Variants in KCNH8 observed in about 807,000 individuals in gnomAD.
The protein encoded by KCNH8 is voltage-gated delayed rectifier potassium channel KCNH8.
In KCNH8, 70 loss-of-function variants were observed where a neutral mutation model predicts 103.6. The observed-to-expected ratio is 0.68, with a 90% confidence interval of 0.56 to 0.82. The LOEUF (loss-of-function observed/expected upper bound fraction) is 0.82, where lower values mean the gene tolerates loss of function less well. Ranked by LOEUF, KCNH8 falls within the 40% of genes least tolerant of loss-of-function variation. The probability of loss-of-function intolerance (pLI) is 0.00; values close to 1 mark genes in which losing one functional copy is unlikely to be tolerated. For synonymous variants in KCNH8, 498 were observed against 489.4 expected, an observed-to-expected ratio of 1.02 and a Z score of -0.23; for missense variants, 1,217 against 1,329.9, an observed-to-expected ratio of 0.92 and a Z score of 1.32.
At chr3:19,470,803 A>G (rs1182073609) in intron 11 of KCNH8, among the ~76,000 whole-genome samples, 3 of 152,212 alleles carry the variant, frequency 2.0e-5, no homozygotes, top group Non-Finnish European at 4.4e-5. Context: ...TCTCCATGCA[A>G]TCATATCTCA....
intron 11 of KCNH8, among the ~76,000 whole-genome samples, chr3:19,466,693 C>A (rs894078739): frequency 8.6e-6 from 1 of 116,072 alleles, no homozygotes; most frequent in Non-Finnish European, 1.6e-5. Flanking sequence ...GATGAAGTCT[C>A]GCTCTTGCCG....
rs185549628 is a variant in KCNH8, at chr3:19,212,218, A to G, written c.77-41436A>G. Among the ~76,000 whole-genome samples the G allele has an allele frequency of 3.4e-4, 52 of 152,068 alleles. No homozygotes were observed. In the East Asian group the frequency reaches 4.2e-3, roughly 12 times the overall value. ...AATTATTACATCTTTCATCACAACT[A>G]CATTAAGAGAAAAGTATTACCTTGA... On this transcript the variant is annotated intron_variant, in intron 1 of 15. Coordinates refer to ENST00000328405, the MANE Select transcript of KCNH8 (RefSeq NM_144633.3).
chr3:19,465,870 G>C (rs949227882), intron 11 of KCNH8, among the ~76,000 whole-genome samples: 2 of 152,122 alleles, frequency 1.3e-5, no homozygotes, highest in Non-Finnish European at 2.9e-5. Flanking sequence ...GCCTGAAGAT[G>C]TGACTGAATT....
At chr3:19,504,746 C>T (rs1315469928) in intron 11 of KCNH8, among the ~76,000 whole-genome samples, 1 of 152,082 alleles carries the variant, frequency 6.6e-6, no homozygotes, top group East Asian at 1.9e-4. Context: ...ATTAGTTCAA[C>T]TGTTGTGGAA....
chr3:19,225,081 G>A (rs1361269678), intron 1 of KCNH8, among the ~76,000 whole-genome samples: 1 of 152,026 alleles, frequency 6.6e-6, no homozygotes, highest in East Asian at 1.9e-4. Context: ...TAGGACAAAG[G>A]CTGTAGTCAA....
chr3:19,424,262 G>C (rs2066993220), intron 7 of KCNH8, among the ~76,000 whole-genome samples: 1 of 151,960 alleles, frequency 6.6e-6, no homozygotes, highest in Admixed American at 6.6e-5. Context: ...ATAAAAATAG[G>C]CACACAGACC....
chr3:19,190,142 A>G (rs1048255380), intron 1 of KCNH8, among the ~76,000 whole-genome samples: 4 of 152,022 alleles, frequency 2.6e-5, no homozygotes, highest in Non-Finnish European at 5.9e-5. Flanking sequence ...TTAAGTAAAC[A>G]TGTTAAAACT....
intron 1 of KCNH8, among the ~76,000 whole-genome samples, chr3:19,165,003 C>A (rs2063268657): frequency 6.6e-6 from 1 of 151,850 alleles, no homozygotes; most frequent in African/African-American, 2.4e-5. Context: ...GGGTGGGGGT[C>A]AGGATCAAGA....
chr3:19,236,822 T>C (rs77260429), intron 1 of KCNH8, among the ~76,000 whole-genome samples: 9,535 of 152,256 alleles, frequency 0.063, 1,001 homozygotes, highest in African/African-American at 0.21. Context: ...CTTTCTGTAA[T>C]ACTCTAGGTT....
rs571412601 is a variant in KCNH8, at chr3:19,148,814, C to A, written c.76+19C>A. 18 of 1,605,168 alleles carry A rather than the reference C, an allele frequency of 1.1e-5. No individual in the cohort carries two copies. The highest frequency in any genetic ancestry group is 2.7e-5 in the African/African-American group (2 of 74,728). ...GGAACACGTAAGTCTTACACTTGAA[C>A]GAGTGGTATGGCATTTTCTGAGACT... is the stretch of plus-strand genomic sequence containing the variant. On this transcript the variant is annotated intron_variant, in intron 1 of 15. Transcript: ENST00000328405.
At chr3:19,150,297 T>C (rs1044112244) in intron 1 of KCNH8, among the ~76,000 whole-genome samples, 1 of 152,166 alleles carries the variant, frequency 6.6e-6, no homozygotes, top group South Asian at 2.1e-4. Context: ...TGATGGCGGA[T>C]ACTACTATTT....
At chr3:19,363,441 A>G (rs1040609005) in intron 5 of KCNH8, among the ~76,000 whole-genome samples, 1 of 152,184 alleles carries the variant, frequency 6.6e-6, no homozygotes, top group Non-Finnish European at 1.5e-5. Flanking sequence ...TCTAGAAGCA[A>G]GTCATTAGCT....
intron 8 of KCNH8, among the ~76,000 whole-genome samples, chr3:19,446,975 A>C (rs981323633): frequency 6.6e-6 from 1 of 152,028 alleles, no homozygotes; most frequent in Non-Finnish European, 1.5e-5. Flanking sequence ...GAGATTTTAC[A>C]AAATGCATTT....
chr3:19,379,078 A>T (rs2066253394), intron 5 of KCNH8, among the ~76,000 whole-genome samples: 1 of 152,212 alleles, frequency 6.6e-6, no homozygotes, highest in Non-Finnish European at 1.5e-5. Context: ...TGATCAGATC[A>T]GGTACTATCT....
intron 2 of KCNH8, among the ~76,000 whole-genome samples, chr3:19,260,760 T>A (rs564284480): frequency 1.3e-5 from 2 of 148,496 alleles, no homozygotes; most frequent in East Asian, 4.0e-4. Context: ...CCCCAAATTT[T>A]TCTCCCCACC....
intron 1 of KCNH8, among the ~76,000 whole-genome samples, chr3:19,194,647 G>A (rs758536203): frequency 4.6e-5 from 7 of 151,716 alleles, no homozygotes; most frequent in African/African-American, 1.2e-4. Flanking sequence ...GATAAGGAGG[G>A]GGTAGGGGTT....
chr3:19,221,632 C>G (rs1301342240), intron 1 of KCNH8, among the ~76,000 whole-genome samples: 1 of 151,886 alleles, frequency 6.6e-6, no homozygotes, highest in Non-Finnish European at 1.5e-5. Flanking sequence ...ACGGATTGTC[C>G]CTTCTACAGC....
chr3:19,305,234 G>T (rs969267575), intron 3 of KCNH8, among the ~76,000 whole-genome samples: 3 of 152,032 alleles, frequency 2.0e-5, no homozygotes, highest in African/African-American at 7.2e-5. Flanking sequence ...TTCCAACCCA[G>T]AATCTATATC....
chr3:19,360,901 T>TAC (rs2065938870), intron 5 of KCNH8, among the ~76,000 whole-genome samples: 1 of 152,064 alleles, frequency 6.6e-6, no homozygotes, highest in African/African-American at 2.4e-5. Context: ...AGAGTAGAGG[T>TAC]ACAAGTGGAC....
Sources: allele counts gnomAD v4.1 joint callset (sites outside exome capture counted in the v4.1 genomes callset), GRCh38; gene constraint gnomAD v4.1.1; transcripts MANE v1.5; gene names NCBI Gene and HGNC (gene_info 2026-07-23, HGNC 2026-07-21).